The following ENPP6 variants were observed in gnomAD, a reference collection of about 807,000 sequenced individuals.
ENPP6 encodes the protein ectonucleotide pyrophosphatase/phosphodiesterase 6, also known as glycerophosphocholine cholinephosphodiesterase ENPP6.
Under a neutral mutation model 42.0 loss-of-function variants are expected in ENPP6, and 32 were observed. The ratio of observed to expected loss-of-function variants is 0.76; its 90% CI spans 0.58 to 1.02. The LOEUF (loss-of-function observed/expected upper bound fraction) is 1.02. ENPP6 is among the 50% of genes least tolerant of loss of function. The pLI, the probability that ENPP6 is intolerant of heterozygous loss-of-function variation, is 0.00. For synonymous variants in ENPP6, 213 were observed against 216.0 expected (o/e 0.99, Z 0.12); for missense variants, 552 against 566.8 (o/e 0.97, Z 0.27).
At position 184,091,115 on chromosome 4, in the gene ENPP6, A is replaced by C. The variant is rs1735781313; in HGVS notation, c.*62T>G. The C allele has an allele frequency of 6.9e-7, 1 of 1,453,934 alleles. No homozygotes were observed. Among genetic ancestry groups the C allele is most frequent in the East Asian group, 2.4e-5 (1 of 42,528 alleles). 90.1% of individuals were successfully genotyped at this position (1,453,934 alleles called of 1,614,324 possible). A position where few individuals can be genotyped will look rare whatever the true frequency, so the allele number is the denominator to read the frequency against. Reference sequence around the variant, plus strand: ...ATTATTCACACATAAAATGAAAATCATCTGGCTTTGGAGGCCCACTTTGCT... The same window carrying C: ...ATTATTCACACATAAAATGAAAATCCTCTGGCTTTGGAGGCCCACTTTGCT... On this transcript the variant is annotated 3_prime_UTR_variant, in exon 8 of 8. Transcript: ENST00000296741.
At chr4:184,195,583 A>G (rs1479628908) in intron 1 of ENPP6, among the ~76,000 whole-genome samples, 1 of 152,100 alleles carries the variant, frequency 6.6e-6, no homozygotes, top group Non-Finnish European at 1.5e-5. Context: ...CCTTAAAACT[A>G]ACTCCCATTC....
chr4:184,201,856 A>C (rs1732909860), intron 1 of ENPP6, among the ~76,000 whole-genome samples: 1 of 152,098 alleles, frequency 6.6e-6, no homozygotes, highest in South Asian at 2.1e-4. Flanking sequence ...GAGGCTCATT[A>C]CAGAGAGTAT....
chr4:184,149,778 T>C (rs73007829), intron 2 of ENPP6, among the ~76,000 whole-genome samples: 1,768 of 152,256 alleles, frequency 0.012, 38 homozygotes, highest in African/African-American at 0.04. Flanking sequence ...GTCGTAAAAA[T>C]AAACTTAAAA....
intron 2 of ENPP6, 40 bp downstream of exon 2, chr4:184,153,514 A>G: frequency 6.3e-6 from 10 of 1,580,898 alleles, no homozygotes; most frequent in African/African-American, 5.4e-5. Context: ...CAGAGACTCT[A>G]TGATGATTTG....
At chr4:184,163,429 C>T (rs1296897586) in intron 1 of ENPP6, among the ~76,000 whole-genome samples, 1 of 152,144 alleles carries the variant, frequency 6.6e-6, no homozygotes, top group African/African-American at 2.4e-5. Context: ...CTGGACCTCC[C>T]GGCTTCTCAT....
intron 5 of ENPP6, among the ~76,000 whole-genome samples, chr4:184,114,973 C>T (rs1736289630): frequency 6.6e-6 from 1 of 152,150 alleles, no homozygotes; most frequent in Admixed American, 6.5e-5. Flanking sequence ...CAGTGGCATT[C>T]TGGGCATCTG....
intron 1 of ENPP6, among the ~76,000 whole-genome samples, chr4:184,210,649 C>T (rs1236793213): frequency 5.6e-5 from 8 of 141,796 alleles, no homozygotes; most frequent in Non-Finnish European, 1.1e-4. Flanking sequence ...GAGACTTTAA[C>T]ACCCCACTGT....
At chr4:184,110,067 C>A (rs903683635) in intron 6 of ENPP6, among the ~76,000 whole-genome samples, 1 of 152,072 alleles carries the variant, frequency 6.6e-6, no homozygotes, top group Non-Finnish European at 1.5e-5. Context: ...GGAAGCAGAG[C>A]CAGGGGAAGG....
At chr4:184,157,774 A>ATTT (rs34358499) in intron 1 of ENPP6, among the ~76,000 whole-genome samples, 6,314 of 122,300 alleles carry the variant, frequency 0.052, 512 homozygotes, top group African/African-American at 0.15. Context: ...AACTTGGCTA[A>ATTT]TTTTTTTTTT....
chr4:184,185,830 T>TC (rs1732626592), intron 1 of ENPP6, among the ~76,000 whole-genome samples: 2 of 152,248 alleles, frequency 1.3e-5, no homozygotes, highest in Admixed American at 1.3e-4. Context: ...GATTAGATTT[T>TC]AGATTTCAAA....
chr4:184,123,038 C>T (rs1029853261), intron 3 of ENPP6, among the ~76,000 whole-genome samples: 12 of 152,164 alleles, frequency 7.9e-5, no homozygotes, highest in Admixed American at 3.3e-4. Flanking sequence ...GTTTTCTCTC[C>T]GACCTGTCAA....
chr4:184,206,382 C>T lies in ENPP6; in HGVS notation c.241+11197G>A, dbSNP rs866684555. ...CCGCCATTCTCCTGCCTCAGCCTCC[C>T]GAGTAGCTGGGACTACAGGCGGGCG... is the stretch of plus-strand genomic sequence containing the variant. On this transcript the variant is annotated intron_variant, in intron 1 of 7. Transcript: ENST00000296741. Among the ~76,000 whole-genome samples, 3 of 112,116 alleles carry T rather than the reference C, an allele frequency of 2.7e-5. 1 individual carries two copies. The highest frequency in any genetic ancestry group is 3.7e-5 in the Non-Finnish European group (2 of 54,412). 73.6% of individuals were successfully genotyped at this position (112,116 alleles called of 152,430 possible).
chr4:184,170,126 C>A (rs551584204), intron 1 of ENPP6, among the ~76,000 whole-genome samples: 1 of 152,178 alleles, frequency 6.6e-6, no homozygotes, highest in African/African-American at 2.4e-5. Context: ...CTGTGAAATT[C>A]GTTTATTTGA....
At chr4:184,205,757 G>A (rs977398356) in intron 1 of ENPP6, among the ~76,000 whole-genome samples, 1 of 152,344 alleles carries the variant, frequency 6.6e-6, no homozygotes, top group South Asian at 2.1e-4. Context: ...TCAGCCAGGG[G>A]TCAGCAATGG....
intron 2 of ENPP6, among the ~76,000 whole-genome samples, chr4:184,140,295 G>A (rs559428967): frequency 6.0e-4 from 91 of 151,314 alleles, no homozygotes; most frequent in East Asian, 2.3e-3. Flanking sequence ...AATCAATATC[G>A]TGAAAATGGC....
At position 184,112,302 on chromosome 4, in the gene ENPP6, T is replaced by C. The variant is rs1306238343; in HGVS notation, c.993+370A>G. On this transcript the variant is annotated intron_variant, in intron 6 of 7. Transcript: ENST00000296741. ...GTTTGCCAAACATTTCTCTTGAAGG[T>C]GAAAGTTAAGCTGAGCCTCTCCCTG... Among the ~76,000 whole-genome samples, 7 of 152,300 alleles carry C rather than the reference T, an allele frequency of 4.6e-5. No homozygotes were observed. The East Asian group carries it at 1.3e-3, about 29-fold the overall frequency.
intron 2 of ENPP6, among the ~76,000 whole-genome samples, chr4:184,133,359 T>G (rs1736676270): frequency 6.6e-6 from 1 of 152,200 alleles, no homozygotes; most frequent in Non-Finnish European, 1.5e-5. Flanking sequence ...TTTTATTAGA[T>G]TTATTCTTAC....
In ENPP6 at chr4:184,204,435, C is replaced by T. The variant is rs945090589; in HGVS notation, c.241+13144G>A. On this transcript the variant is annotated intron_variant, in intron 1 of 7. Transcript: ENST00000296741. ...AAGCTGCCACATGCGTCCCTAGGTC[C>T]GACAGCCAGACCACTCGCACCTAGG... Among the ~76,000 whole-genome samples, 7 of 152,190 alleles carry T rather than the reference C, an allele frequency of 4.6e-5. No homozygotes were observed. The South Asian group carries it at 8.3e-4, about 18-fold the overall frequency.
chr4:184,153,228 C>T (rs763003330), intron 2 of ENPP6, among the ~76,000 whole-genome samples: 33 of 151,524 alleles, frequency 2.2e-4, no homozygotes, highest in Non-Finnish European at 4.0e-4. Flanking sequence ...TGGGTTCAAG[C>T]GATCCTCCTG....
Sources: allele counts gnomAD v4.1 joint callset (sites outside exome capture counted in the v4.1 genomes callset), GRCh38; gene constraint gnomAD v4.1.1; transcripts MANE v1.5; gene names NCBI Gene and HGNC (gene_info 2026-07-23, HGNC 2026-07-21).